The following RBPMS variants were observed in gnomAD, a reference collection of about 807,000 sequenced individuals.
The protein encoded by RBPMS is RNA binding protein, mRNA processing factor, also known as RNA-binding protein with multiple splicing.
RBPMS carries 7 observed loss-of-function variants against 26.8 expected under a neutral mutation model. That is an observed-to-expected ratio of 0.26 (90% CI 0.15 to 0.49). The LOEUF (loss-of-function observed/expected upper bound fraction) is 0.49, where lower values mean the gene tolerates loss of function less well. Ranked by LOEUF, RBPMS falls within the 20% of genes least tolerant of loss-of-function variation. The pLI is 0.98. For synonymous variants in RBPMS, 96 were observed against 93.3 expected, an observed-to-expected ratio of 1.03 and a Z score of -0.17; for missense variants, 186 against 250.0, an observed-to-expected ratio of 0.74 and a Z score of 1.73.
intron 3 of RBPMS, among the ~76,000 whole-genome samples, chr8:30,478,155 G>T (rs1282030821): frequency 2.0e-5 from 3 of 152,068 alleles, no homozygotes; most frequent in Non-Finnish European, 2.9e-5. Context: ...TTTTAATGAG[G>T]TTAAACAAAC....
chr8:30,535,471 A>G (rs1204870620), intron 5 of RBPMS, among the ~76,000 whole-genome samples: 2 of 152,266 alleles, frequency 1.3e-5, no homozygotes, highest in East Asian at 3.9e-4. Context: ...AGAGTGCTCC[A>G]TGCCTTGATG....
chr8:30,497,741 G>A lies in RBPMS; in HGVS notation c.247-6545G>A, dbSNP rs181228015. On this transcript the variant is annotated intron_variant, in intron 4 of 8. Transcript: ENST00000397323. The stretch of plus-strand genomic sequence containing the variant: ...ACACAGTTCTCCTGCCTCAGCCTCA[G>A]CCTCCCGAGTAGCTGGGACTACAGG... Among the ~76,000 whole-genome samples, 1,451 of 152,106 alleles carry A rather than the reference G, an allele frequency of 9.5e-3. 21 individuals carry two copies. The highest frequency in any genetic ancestry group is 0.033 in the African/African-American group (1,387 of 41,502).
chr8:30,512,999 C>A (rs571818947), intron 5 of RBPMS, among the ~76,000 whole-genome samples: 3 of 146,468 alleles, frequency 2.0e-5, no homozygotes, highest in Admixed American at 2.0e-4. Flanking sequence ...AGCCTTCCCA[C>A]CCCACCCCAC....
At chr8:30,391,779 A>G (rs996703694) in intron 1 of RBPMS, among the ~76,000 whole-genome samples, 3 of 152,108 alleles carry the variant, frequency 2.0e-5, no homozygotes, top group African/African-American at 7.2e-5. Flanking sequence ...AGTAAAGGGG[A>G]TATGTCTGTG....
chr8:30,461,614 C>T (rs1254790173), intron 1 of RBPMS, among the ~76,000 whole-genome samples: 3 of 152,162 alleles, frequency 2.0e-5, no homozygotes, highest in Admixed American at 2.0e-4. Flanking sequence ...CCAGGATAGT[C>T]TTGATCTCCT....
At chr8:30,483,465 C>G (rs1325266394) in intron 4 of RBPMS, among the ~76,000 whole-genome samples, 1 of 152,102 alleles carries the variant, frequency 6.6e-6, no homozygotes, top group Non-Finnish European at 1.5e-5. Flanking sequence ...TAAGTGATCT[C>G]TAATTATCAG....
chr8:30,410,894 C>G (rs923043067), intron 1 of RBPMS, among the ~76,000 whole-genome samples: 2 of 151,882 alleles, frequency 1.3e-5, no homozygotes, highest in African/African-American at 4.8e-5. Flanking sequence ...CACAGCCATG[C>G]CAGGCTAATT....
intron 6 of RBPMS, chr8:30,558,058 C>G (rs1490947710): frequency 6.6e-6 from 1 of 152,152 alleles, no homozygotes; most frequent in South Asian, 2.1e-4. Flanking sequence ...GAGATGAGGT[C>G]TCTCCATGTT....
At chr8:30,557,228 G>A (rs902825362) in intron 6 of RBPMS, among the ~76,000 whole-genome samples, 4 of 152,214 alleles carry the variant, frequency 2.6e-5, no homozygotes, top group Non-Finnish European at 5.9e-5. Flanking sequence ...CTAAGCCTGC[G>A]TTTCCTGACT....
intron 1 of RBPMS, among the ~76,000 whole-genome samples, chr8:30,409,143 A>C (rs1242329640): frequency 1.3e-5 from 2 of 151,254 alleles, no homozygotes; most frequent in Admixed American, 1.3e-4. Context: ...GTCTGTTCTT[A>C]CAAAGCATTC....
chr8:30,564,754 G>A (rs1827762849), intron 7 of RBPMS: 1 of 152,312 alleles, frequency 6.6e-6, no homozygotes, highest in Non-Finnish European at 1.5e-5. Flanking sequence ...CCAGGCCATG[G>A]GGTCTGGGGG....
intron 4 of RBPMS, among the ~76,000 whole-genome samples, chr8:30,481,235 A>C (rs771600443): frequency 6.6e-6 from 1 of 152,218 alleles, no homozygotes; most frequent in Admixed American, 6.5e-5. Flanking sequence ...CAGAGTGTTG[A>C]GATTACAAGC....
chr8:30,430,047 C>T (rs951553050), intron 1 of RBPMS, among the ~76,000 whole-genome samples: 4 of 152,070 alleles, frequency 2.6e-5, no homozygotes, highest in Middle Eastern at 3.2e-3. Context: ...GAAGCCGAGG[C>T]GGGCAGATTG....
chr8:30,433,344 G>A (rs558119356), intron 1 of RBPMS, among the ~76,000 whole-genome samples: 1 of 152,252 alleles, frequency 6.6e-6, no homozygotes, highest in East Asian at 1.9e-4. Context: ...CCTATGTTTA[G>A]ATTTTTCAAA....
At chr8:30,546,025 C>T (rs772221314) in intron 6 of RBPMS, among the ~76,000 whole-genome samples, 2 of 152,150 alleles carry the variant, frequency 1.3e-5, no homozygotes, top group Non-Finnish European at 2.9e-5. Context: ...GGAACCCTCA[C>T]AACTGGCAGG....
At chr8:30,486,780 T>A (rs1818839130) in intron 4 of RBPMS, among the ~76,000 whole-genome samples, 1 of 152,174 alleles carries the variant, frequency 6.6e-6, no homozygotes, top group Non-Finnish European at 1.5e-5. Context: ...CAATGACAAG[T>A]ATATGTGGAA....
chr8:30,570,103 T>C (rs1229857661), intron 8 of RBPMS, among the ~76,000 whole-genome samples: 1 of 152,204 alleles, frequency 6.6e-6, no homozygotes, highest in African/African-American at 2.4e-5. Flanking sequence ...CCGTACGCTA[T>C]GTTTCAGTGG....
chr8:30,470,728 A>G (rs1385638726), intron 1 of RBPMS, among the ~76,000 whole-genome samples: 3 of 152,318 alleles, frequency 2.0e-5, no homozygotes, highest in East Asian at 1.9e-4. Context: ...AGTCTCGTCC[A>G]TGTTTAAATA....
At chr8:30,520,302 G>T (rs1490180673) in intron 5 of RBPMS, among the ~76,000 whole-genome samples, 1 of 152,108 alleles carries the variant, frequency 6.6e-6, no homozygotes, top group African/African-American at 2.4e-5. Flanking sequence ...TTGGTGCCTG[G>T]TAATCTCCAT....
Sources: allele counts gnomAD v4.1 joint callset (sites outside exome capture counted in the v4.1 genomes callset), GRCh38; gene constraint gnomAD v4.1.1; transcripts MANE v1.5; gene names NCBI Gene and HGNC (gene_info 2026-07-23, HGNC 2026-07-21).